UNC5D: variants seen among roughly 807,000 people sequenced by gnomAD.
UNC5D encodes unc-5 netrin receptor D, also known as netrin receptor UNC5D.
UNC5D carries 39 observed loss-of-function variants against 105.4 expected under a neutral mutation model. The observed-to-expected ratio is 0.37, with a 90% CI of 0.29 to 0.48. The LOEUF (loss-of-function observed/expected upper bound fraction) is 0.48, where lower values mean the gene tolerates loss of function less well. UNC5D is among the 20% of genes least tolerant of loss of function. UNC5D has a pLI of 0.98. For synonymous variants in UNC5D, 452 were observed against 450.4 expected (o/e 1.00, Z -0.04); for missense variants, 991 against 1,202.4 (o/e 0.82, Z 2.60).
intron 7 of UNC5D, among the ~76,000 whole-genome samples, chr8:35,690,341 G>A (rs1186694185): frequency 6.6e-6 from 1 of 152,114 alleles, no homozygotes; most frequent in Non-Finnish European, 1.5e-5. Flanking sequence ...CAACAAAAAT[G>A]AGTAACACCA....
At chr8:35,715,283 G>T (rs2131504046) in intron 8 of UNC5D, among the ~76,000 whole-genome samples, 1 of 152,116 alleles carries the variant, frequency 6.6e-6, no homozygotes, top group East Asian at 1.9e-4. Context: ...TGTAGAGAAA[G>T]GAAAAGAAAA....
intron 1 of UNC5D, among the ~76,000 whole-genome samples, 195 bp from the exon 2 acceptor site, chr8:35,549,097 A>G (rs1456660806): frequency 6.6e-6 from 1 of 152,220 alleles, no homozygotes; most frequent in Non-Finnish European, 1.5e-5. Context: ...AGCCATGGCT[A>G]GCTGGAGGCA....
At chr8:35,483,947 C>A (rs757283903) in intron 1 of UNC5D, among the ~76,000 whole-genome samples, 5 of 152,092 alleles carry the variant, frequency 3.3e-5, no homozygotes, top group African/African-American at 4.8e-5. Context: ...AGATTCTAAG[C>A]AGGAAATTTG....
intron 2 of UNC5D, among the ~76,000 whole-genome samples, chr8:35,558,157 C>A (rs1365477386): frequency 6.6e-6 from 1 of 150,448 alleles, no homozygotes; most frequent in Non-Finnish European, 1.5e-5. Context: ...GTCTCCCCTT[C>A]CAACCCAGAA....
Position 35,748,549 on chromosome 8 carries a change from G to A in UNC5D, c.1789G>A (p.Val597Met). Reference protein sequence around the residue: ...EPSLQSDGSEVLLSPEVTCGP... With the variant: ...EPSLQSDGSEMLLSPEVTCGP... ...AAGCCTCCAGTCAGATGGCTCTGAG[G>A]TGCTCCTGAGTCCTGAAGTCACCTG... Residue 597 changes from valine to methionine, a missense_variant, in exon 12 of 17, where the codon GTG becomes ATG. Val to Met is a conservative substitution (Grantham distance 21). Transcript: ENST00000404895. 6.2e-7 allele frequency: 1 copy of A among 1,613,748 alleles called. No individual in the cohort carries two copies. The highest frequency in any genetic ancestry group is 8.5e-7 in the Non-Finnish European group (1 of 1,179,864).
chr8:35,415,162 T>C (rs1805449440), intron 1 of UNC5D, among the ~76,000 whole-genome samples: 1 of 152,144 alleles, frequency 6.6e-6, no homozygotes, highest in Non-Finnish European at 1.5e-5. Flanking sequence ...GAAGTTATGA[T>C]AGATTTTTCT....
chr8:35,587,000 G>A (rs1818832491), intron 3 of UNC5D, among the ~76,000 whole-genome samples: 1 of 152,182 alleles, frequency 6.6e-6, no homozygotes, highest in Admixed American at 6.5e-5. Flanking sequence ...GGGTGAGGAA[G>A]GGGAGGCTGC....
intron 4 of UNC5D, among the ~76,000 whole-genome samples, chr8:35,622,261 G>A (rs1204325741): frequency 6.6e-6 from 1 of 152,146 alleles, no homozygotes; most frequent in Non-Finnish European, 1.5e-5. Context: ...AGAATCGCTT[G>A]AACCTGGGAG....
intron 1 of UNC5D, among the ~76,000 whole-genome samples, chr8:35,354,481 G>A (rs1192602645): frequency 6.6e-6 from 1 of 152,056 alleles, no homozygotes; most frequent in Non-Finnish European, 1.5e-5. Context: ...GTGTTTTCAA[G>A]GTAACTGAGC....
intron 16 of UNC5D, among the ~76,000 whole-genome samples, chr8:35,776,732 ATTC>A (rs1802263571): frequency 6.6e-6 from 1 of 152,234 alleles, no homozygotes; most frequent in Admixed American, 6.5e-5. Flanking sequence ...GAATATGTAG[ATTC>A]TTAATAAATG....
intron 1 of UNC5D, among the ~76,000 whole-genome samples, chr8:35,436,797 T>C (rs1245695671): frequency 1.1e-4 from 17 of 152,072 alleles, no homozygotes. Flanking sequence ...TGTGTTTCAG[T>C]TAAGAAACAA....
At chr8:35,789,137 CT>C (rs1421334573) in intron 16 of UNC5D, among the ~76,000 whole-genome samples, 2 of 32,432 alleles carry the variant, frequency 6.2e-5, no homozygotes, top group Non-Finnish European at 8.8e-5. Context: ...GGAGAAAAGA[CT>C]ATATATATAT....
At chr8:35,705,116 C>T (rs893136166) in intron 7 of UNC5D, among the ~76,000 whole-genome samples, 3 of 152,084 alleles carry the variant, frequency 2.0e-5, no homozygotes, top group Admixed American at 2.0e-4. Flanking sequence ...AGGCGCCTGC[C>T]ACCTCGCCCG....
At chr8:35,428,208 C>T (rs1806372664) in intron 1 of UNC5D, among the ~76,000 whole-genome samples, 1 of 152,024 alleles carries the variant, frequency 6.6e-6, no homozygotes, top group African/African-American at 2.4e-5. Context: ...GACAAAGTCT[C>T]ACTCTGTCAC....
chr8:35,613,990 T>C (rs1453306124), intron 4 of UNC5D, among the ~76,000 whole-genome samples: 7 of 152,210 alleles, frequency 4.6e-5, no homozygotes, highest in South Asian at 2.1e-4. Flanking sequence ...GGGGTGTTAA[T>C]CTTTCTTTGT....
chr8:35,786,085 A>G (rs528335042), intron 16 of UNC5D, among the ~76,000 whole-genome samples: 101 of 152,286 alleles, frequency 6.6e-4, no homozygotes, highest in Admixed American at 1.4e-3. Context: ...GTGGTTTGTT[A>G]CATTTGTAGT....
At chr8:35,454,028 C>T (rs927865329) in intron 1 of UNC5D, among the ~76,000 whole-genome samples, 2 of 152,128 alleles carry the variant, frequency 1.3e-5, no homozygotes, top group African/African-American at 2.4e-5. Context: ...TCCTTTTAAT[C>T]GCATGGCAAA....
At chr8:35,336,755 T>G (rs908250619) in intron 1 of UNC5D, among the ~76,000 whole-genome samples, 10 of 152,004 alleles carry the variant, frequency 6.6e-5, no homozygotes, top group African/African-American at 2.4e-4. Flanking sequence ...AGATGATTTT[T>G]CAAACACAAA....
At chr8:35,664,616 G>T (rs1487951822) in intron 4 of UNC5D, among the ~76,000 whole-genome samples, 1 of 151,878 alleles carries the variant, frequency 6.6e-6, no homozygotes, top group African/African-American at 2.4e-5. Context: ...TAACATCAGG[G>T]GATCCACCCG....
Sources: allele counts gnomAD v4.1 joint callset (sites outside exome capture counted in the v4.1 genomes callset), GRCh38; gene constraint gnomAD v4.1.1; transcripts MANE v1.5; gene names NCBI Gene and HGNC (gene_info 2026-07-23, HGNC 2026-07-21).